The following MAT2A variants were observed in gnomAD, a reference collection of about 807,000 sequenced individuals.
The protein encoded by MAT2A is S-adenosylmethionine synthase isoform type-2.
Under a neutral mutation model 43.9 loss-of-function variants are expected in MAT2A, and 3 were observed. The observed-to-expected ratio is 0.07, with a 90% CI of 0.03 to 0.18. MAT2A has a LOEUF of 0.18. Among genes scored for constraint, MAT2A ranks in the 10% least tolerant of loss-of-function variants. The pLI is 1.00. For missense variants in MAT2A, 204 were observed against 489.0 expected, an observed-to-expected ratio of 0.42 and a Z score of 5.50; for synonymous variants, 200 against 168.4, an observed-to-expected ratio of 1.19 and a Z score of -1.45.
At position 85,542,937 on chromosome 2, in the gene MAT2A, ATC is replaced by A; in HGVS notation, c.991_992del (p.Ser331HisfsTer11). On this transcript the variant is annotated frameshift_variant, in exon 8 of 9. Coordinates refer to ENST00000306434, the MANE Select transcript of MAT2A (RefSeq NM_005911.6). LOFTEE classifies it high-confidence loss of function. ...TATTGGAGTTTCTCATCCATTATCT[ATC>A]TCCATTTTCCATTATGGTACCTCTC... The part of the protein sequence containing the change: ...YAIGVSHPLS[I>X]SIFHYGTSQK... The A allele has an allele frequency of 6.2e-7, 1 of 1,613,672 alleles. No homozygotes were observed. Among genetic ancestry groups the A allele is most frequent in the Non-Finnish European group, 8.5e-7 (1 of 1,179,902 alleles).
chr2:85,540,914 A>G (rs528612058), intron 1 of MAT2A, among the ~76,000 whole-genome samples, 169 bp from the exon 2 acceptor site: 5 of 152,206 alleles, frequency 3.3e-5, no homozygotes, highest in South Asian at 2.1e-4. Flanking sequence ...TATAATGCAA[A>G]CTTTGAATTT....
rs371101314 is a variant in MAT2A at position 85,544,855 on chromosome 2, G to A, written c.*1083G>A. ...GGAGGAAATCCCTTCATACTTGAAC[G>A]TTTTCTAATTGCTTATTTATTGTAT... On this transcript the variant is annotated 3_prime_UTR_variant, in exon 9 of 9. Coordinates refer to ENST00000306434, the MANE Select transcript of MAT2A (RefSeq NM_005911.6). The A allele has an allele frequency of 2.6e-5, 4 of 152,664 alleles. No individual in the cohort carries two copies. The East Asian group carries it at 5.8e-4, about 22-fold the overall frequency. 9.5% of individuals were successfully genotyped at this position (152,664 alleles called of 1,614,324 possible). A position where few individuals can be genotyped will look rare whatever the true frequency, so the allele number is the denominator to read the frequency against.
chr2:85,541,521 C>T (rs1573308131), intron 3 of MAT2A, 112 bp from the exon 4 acceptor site: 6 of 1,302,286 alleles, frequency 4.6e-6, no homozygotes, highest in South Asian at 2.8e-5. Flanking sequence ...CTAAAAGGTC[C>T]GATGGTTTAG....
chr2:85,539,302 C>A lies in MAT2A; in HGVS notation c.15C>A (p.Leu5=). 1.2e-6 allele frequency: 2 copies of A among 1,605,470 alleles called. No homozygotes were observed. Among genetic ancestry groups the A allele is most frequent in the South Asian group, 1.1e-5 (1 of 90,012 alleles). Residue 5 remains leucine, a synonymous_variant, in exon 1 of 9, where the codon CTC becomes CTA. Transcript: ENST00000306434. ...CCGACACCAACATGAACGGACAGCTCAACGGCTTCCACGAGGCGTTCATCG... is the reference window on the plus strand; with the variant it reads ...CCGACACCAACATGAACGGACAGCTAAACGGCTTCCACGAGGCGTTCATCG... MNGQ[L]NGFHEAFIEE... is the part of the protein sequence containing the mutation.
chr2:85,542,864 G>A (rs1214493834), intron 7 of MAT2A, 37 bp from the exon 8 acceptor site: 1 of 1,600,476 alleles, frequency 6.2e-7, no homozygotes, highest in South Asian at 1.1e-5. Context: ...ATGGGTCTTT[G>A]CAATCACTGA....
At chr2:85,541,791 C>T (rs781042061) in intron 4 of MAT2A, 38 bp from the exon 5 acceptor site, 17 of 1,613,696 alleles carry the variant, frequency 1.1e-5, no homozygotes, top group Middle Eastern at 1.6e-4. Flanking sequence ...ACATTAAATT[C>T]TGGAGCTTGA....
chr2:85,539,410 CG>C (rs756901045), intron 1 of MAT2A, 32 bp downstream of exon 1: 13 of 1,559,694 alleles, frequency 8.3e-6, no homozygotes, highest in Admixed American at 1.8e-5. Context: ...AAGCGTGGGG[CG>C]GGGCAGAAGG....
chr2:85,541,381 T>C lies in MAT2A; in HGVS notation c.292+4T>C, dbSNP rs1223334766. ...GGATATGATGATTCTTCCAAAGGTG[T>C]GTTTTAATGATTTTGCTCATTTTTT... On this transcript the variant is annotated splice_donor_region_variant and intron_variant, in intron 3 of 8. Transcript: ENST00000306434. 1.9e-6 allele frequency: 3 copies of C among 1,607,798 alleles called. No homozygotes were observed. The African/African-American group carries it at 4.0e-5, about 22-fold the overall frequency.
At chr2:85,540,047 T>C (rs1378132158) in intron 1 of MAT2A, 1 of 152,286 alleles carries the variant, frequency 6.6e-6, no homozygotes, top group Non-Finnish European at 1.5e-5. Flanking sequence ...AAGGCAGTCC[T>C]TATTTGGACC....
Position 85,539,560 on chromosome 2 carries a change from C to T in MAT2A, c.91+182C>T, listed in dbSNP as rs1232417556. ...AGGGCCTGGCGCGTGGCCGCCGCTC[C>T]TCTTCCCCCTCCCCTCTCCACCCTT... is the stretch of plus-strand genomic sequence containing the variant. On this transcript the variant is annotated intron_variant, in intron 1 of 8. Coordinates refer to ENST00000306434, the MANE Select transcript of MAT2A (RefSeq NM_005911.6). 45 of 486,416 alleles carry T rather than the reference C, an allele frequency of 9.3e-5. No homozygotes were observed. The South Asian group carries it at 1.0e-3, about 11-fold the overall frequency. 30.1% of individuals were successfully genotyped at this position (486,416 alleles called of 1,614,324 possible). A position where few individuals can be genotyped will look rare whatever the true frequency, so the allele number is the denominator to read the frequency against.
rs1459501859 is a variant in MAT2A at position 85,544,750 on chromosome 2, A to G, written c.*978A>G. 1 of 152,636 alleles carries G rather than the reference A, an allele frequency of 6.6e-6. No individual in the cohort carries two copies. Among genetic ancestry groups the G allele is most frequent in the Non-Finnish European group, 1.5e-5 (1 of 68,040 alleles). 9.5% of individuals were successfully genotyped at this position (152,636 alleles called of 1,614,324 possible). The stretch of plus-strand genomic sequence containing the variant: ...TTAACTTTGTTTTATTTTCAAAACC[A>G]GGTCCAATGAGCTTTCTGAACAGCT... On this transcript the variant is annotated 3_prime_UTR_variant, in exon 9 of 9. Transcript: ENST00000306434.
In MAT2A at chr2:85,543,129, ACT is replaced by A. The variant is rs1465505944; in HGVS notation, c.1085+97_1085+98del. 41 of 1,298,342 alleles carry A rather than the reference ACT, an allele frequency of 3.2e-5. No homozygotes were observed. In the Admixed American group the frequency reaches 7.6e-4, roughly 24 times the overall value. 80.4% of individuals were successfully genotyped at this position (1,298,342 alleles called of 1,614,324 possible). A position where few individuals can be genotyped will look rare whatever the true frequency, so the allele number is the denominator to read the frequency against. On this transcript the variant is annotated intron_variant, in intron 8 of 8. Coordinates refer to ENST00000306434, the MANE Select transcript of MAT2A (RefSeq NM_005911.6). ...TGAGGAGGTGAAGGTGTGAAGGAAG[ACT>A]CCTCAAATGGGAATATATTTTAATT...
chr2:85,540,617 A>G (rs1462581334), intron 1 of MAT2A, among the ~76,000 whole-genome samples: 4 of 152,242 alleles, frequency 2.6e-5, no homozygotes, highest in Non-Finnish European at 5.9e-5. Flanking sequence ...AGCATCTTCT[A>G]CACTGTTGAG....
chr2:85,542,776 A>G (rs186866884), intron 7 of MAT2A, 29 bp downstream of exon 7: 6 of 1,578,282 alleles, frequency 3.8e-6, no homozygotes, highest in African/African-American at 2.7e-5. Flanking sequence ...ACGAACGATT[A>G]AAAGTCATGT....
chr2:85,541,021 A>G, intron 1 of MAT2A, 62 bp from the exon 2 acceptor site: 1 of 1,060,296 alleles, frequency 9.4e-7, no homozygotes. Context: ...GGGAGCTTGC[A>G]TACATACATA....
intron 6 of MAT2A, 46 bp downstream of exon 6, chr2:85,542,419 A>G (rs1412197163): frequency 1.9e-6 from 3 of 1,588,764 alleles, no homozygotes; most frequent in Non-Finnish European, 1.7e-6. Context: ...ATGGTTACTT[A>G]AAATTTTGGC....
chr2:85,543,852 TC>T lies in MAT2A; in HGVS notation c.*82del. 1.3e-6 allele frequency: 1 copy of T among 795,214 alleles called. No individual in the cohort carries two copies. Among genetic ancestry groups the T allele is most frequent in the Non-Finnish European group, 2.0e-6 (1 of 497,380 alleles). The allele number at this position is 795,214 out of a possible 1,614,324, so 49.3% of individuals were successfully genotyped here. A position where few individuals can be genotyped will look rare whatever the true frequency, so the allele number is the denominator to read the frequency against. ...AAGCTCTGAGGGAAAGGGCCCTCCT[TC>T]CTAAATTTTCCTGTCCTCTTTCAGC... is the stretch of plus-strand genomic sequence containing the variant. On this transcript the variant is annotated 3_prime_UTR_variant, in exon 9 of 9. Transcript: ENST00000306434.
chr2:85,540,156 C>G (rs913693538), intron 1 of MAT2A, among the ~76,000 whole-genome samples: 4 of 152,316 alleles, frequency 2.6e-5, no homozygotes, highest in East Asian at 1.9e-4. Flanking sequence ...GCTTTGTCCG[C>G]TCAACCGCCA....
chr2:85,543,581 G>A, intron 8 of MAT2A, 89 bp from the exon 9 acceptor site: 1 of 822,400 alleles, frequency 1.2e-6, no homozygotes, highest in Non-Finnish European at 1.9e-6. Flanking sequence ...GAACTCATTT[G>A]CCAGAGCTCT....
Sources: gnomAD v4.1 joint callset for allele counts (sites outside exome capture counted in the v4.1 genomes callset) on GRCh38, gnomAD v4.1.1 for gene constraint, MANE v1.5 for transcripts, NCBI Gene and HGNC (gene_info 2026-07-23, HGNC 2026-07-21) for gene names.